Variants in KCNIP4 observed in about 807,000 individuals in gnomAD.
KCNIP4 encodes potassium voltage-gated channel interacting protein 4, also known as Kv channel-interacting protein 4.
In KCNIP4, 12 loss-of-function variants were observed where a neutral mutation model predicts 34.0. That is an observed-to-expected ratio of 0.35 (90% CI 0.23 to 0.57). KCNIP4 has a LOEUF of 0.57. Ranked by LOEUF, KCNIP4 falls within the 20% of genes least tolerant of loss-of-function variation. The pLI, the probability that KCNIP4 is intolerant of heterozygous loss-of-function variation, is 0.83. For synonymous variants in KCNIP4, 124 were observed against 102.2 expected (o/e 1.21, Z -1.29); for missense variants, 238 against 311.7 (o/e 0.76, Z 1.78).
intron 1 of KCNIP4, among the ~76,000 whole-genome samples, chr4:21,210,913 C>A (rs1006177362): frequency 6.6e-6 from 1 of 152,084 alleles, no homozygotes; most frequent in Non-Finnish European, 1.5e-5. Flanking sequence ...AACACTGAAA[C>A]TGATGATGCC....
chr4:21,031,771 T>G (rs761114136), intron 1 of KCNIP4, among the ~76,000 whole-genome samples: 1 of 152,202 alleles, frequency 6.6e-6, no homozygotes, highest in Non-Finnish European at 1.5e-5. Flanking sequence ...TCGAGTTATG[T>G]AGTCTGGTCC....
intron 1 of KCNIP4, among the ~76,000 whole-genome samples, chr4:21,178,104 C>A (rs967900229): frequency 6.6e-6 from 1 of 152,086 alleles, no homozygotes; most frequent in East Asian, 1.9e-4. Context: ...ACTTACTTAG[C>A]ATAAGGCACT....
chr4:21,571,694 G>T (rs1357081523), intron 1 of KCNIP4, among the ~76,000 whole-genome samples: 1 of 152,118 alleles, frequency 6.6e-6, no homozygotes, highest in East Asian at 1.9e-4. Context: ...GACACTTATT[G>T]CTCAGAGGAG....
At chr4:21,556,931 A>AAC (rs1553903112) in intron 1 of KCNIP4, among the ~76,000 whole-genome samples, 5 of 134,190 alleles carry the variant, frequency 3.7e-5, no homozygotes, top group Non-Finnish European at 6.6e-5. Flanking sequence ...AGAAAAAAAA[A>AAC]AAAAAAAAAA....
chr4:20,957,197 T>C (rs1733402238), intron 1 of KCNIP4, among the ~76,000 whole-genome samples: 1 of 152,188 alleles, frequency 6.6e-6, no homozygotes, highest in Non-Finnish European at 1.5e-5. Context: ...GTTTTCTTTC[T>C]TCAGATTCCA....
chr4:20,733,572 T>C (rs1298877984), intron 6 of KCNIP4, among the ~76,000 whole-genome samples: 1 of 152,206 alleles, frequency 6.6e-6, no homozygotes, highest in Non-Finnish European at 1.5e-5. Flanking sequence ...TAAGATGTTT[T>C]AAGCATAGAT....
chr4:21,004,273 G>T (rs1016358438), intron 1 of KCNIP4, among the ~76,000 whole-genome samples: 2 of 152,156 alleles, frequency 1.3e-5, no homozygotes, highest in African/African-American at 4.8e-5. Context: ...AAGATTTTTT[G>T]AGAGGTAAAA....
intron 1 of KCNIP4, among the ~76,000 whole-genome samples, chr4:21,558,084 T>C (rs903390418): frequency 1.3e-5 from 2 of 152,178 alleles, no homozygotes; most frequent in African/African-American, 4.8e-5. Flanking sequence ...GCCAGCAGTG[T>C]TGGTAGCCAG....
intron 1 of KCNIP4, among the ~76,000 whole-genome samples, chr4:21,097,999 A>G (rs934866495): frequency 2.0e-5 from 3 of 152,206 alleles, no homozygotes; most frequent in Admixed American, 1.3e-4. Flanking sequence ...TACACCAATG[A>G]TAAGAAACTG....
At chr4:21,847,294 G>A (rs927641378) in intron 1 of KCNIP4, 62 of 152,204 alleles carry the variant, frequency 4.1e-4, no homozygotes, top group African/African-American at 1.4e-3. Flanking sequence ...TCCCCTAGGG[G>A]TATTTCAAAA....
intron 1 of KCNIP4, among the ~76,000 whole-genome samples, chr4:21,342,983 G>A (rs1032848045): frequency 1.3e-5 from 2 of 151,470 alleles, no homozygotes; most frequent in Non-Finnish European, 2.9e-5. Context: ...TTTTTTTTCT[G>A]AGCCTTGAGT....
chr4:20,923,863 T>C (rs549587056), intron 1 of KCNIP4, among the ~76,000 whole-genome samples: 119 of 152,176 alleles, frequency 7.8e-4, no homozygotes, highest in Non-Finnish European at 1.6e-3. Flanking sequence ...ATTAAAATTT[T>C]TTTTTTCAAA....
intron 1 of KCNIP4, among the ~76,000 whole-genome samples, chr4:21,535,413 C>T (rs1371613267): frequency 2.0e-5 from 3 of 152,064 alleles, no homozygotes; most frequent in Non-Finnish European, 2.9e-5. Context: ...GGATACTTCC[C>T]GGTAAGACTC....
chr4:21,239,827 G>C (rs1325684939), intron 1 of KCNIP4, among the ~76,000 whole-genome samples: 1 of 152,074 alleles, frequency 6.6e-6, no homozygotes, highest in South Asian at 2.1e-4. Flanking sequence ...GATTCCTCAG[G>C]GATCTAGAAC....
chr4:21,750,614 T>C (rs1220105038), intron 1 of KCNIP4, among the ~76,000 whole-genome samples: 1 of 152,208 alleles, frequency 6.6e-6, no homozygotes, highest in Non-Finnish European at 1.5e-5. Flanking sequence ...TTATTCAGCA[T>C]TTACTAGGAC....
At chr4:20,764,149 T>A (rs549442906) in intron 3 of KCNIP4, among the ~76,000 whole-genome samples, 3 of 152,258 alleles carry the variant, frequency 2.0e-5, no homozygotes, top group African/African-American at 7.2e-5. Context: ...TTTGTCTGAT[T>A]ATTAGCAAAT....
At chr4:21,133,687 A>C (rs949314489) in intron 1 of KCNIP4, among the ~76,000 whole-genome samples, 1 of 152,192 alleles carries the variant, frequency 6.6e-6, no homozygotes, top group African/African-American at 2.4e-5. Flanking sequence ...AGTTAAGACA[A>C]TTTTAAAAAT....
intron 1 of KCNIP4, among the ~76,000 whole-genome samples, chr4:20,883,288 C>A (rs1724919562): frequency 6.6e-6 from 1 of 152,116 alleles, no homozygotes; most frequent in Non-Finnish European, 1.5e-5. Flanking sequence ...AGAGATGTGA[C>A]AATCTTTCCC....
In KCNIP4 at chr4:21,173,561, G is replaced by A. The variant is rs150746563; in HGVS notation, c.62-290852C>T. Among the ~76,000 whole-genome samples, 14 of 152,274 alleles carry A rather than the reference G, an allele frequency of 9.2e-5. 1 individual carries two copies. The East Asian group carries it at 2.3e-3, about 25-fold the overall frequency. ...TCCCTAGAATCCTCATCTCAAGGCT[G>A]TAAGAAAAATCTTAGGAATGATTTA... On this transcript the variant is annotated intron_variant, in intron 1 of 8. Transcript: ENST00000382152.
Sources: allele counts gnomAD v4.1 joint callset (sites outside exome capture counted in the v4.1 genomes callset), GRCh38; gene constraint gnomAD v4.1.1; transcripts MANE v1.5; gene names NCBI Gene and HGNC (gene_info 2026-07-23, HGNC 2026-07-21).